BAD: variants seen among roughly 807,000 people sequenced by gnomAD.
BAD encodes bcl2-associated agonist of cell death.
A neutral mutation model predicts 17.8 loss-of-function variants in BAD; 18 were observed. That is an observed-to-expected ratio of 1.01 (90% CI 0.70 to 1.50). The LOEUF (loss-of-function observed/expected upper bound fraction) is 1.50. Among genes scored for constraint, BAD ranks in the 40% most tolerant of loss-of-function variants. The pLI is 0.00. For missense variants in BAD, 294 were observed against 239.3 expected (o/e 1.23, Z -1.51); for synonymous variants, 112 against 91.5 (o/e 1.22, Z -1.28).
intron 2 of BAD, among the ~76,000 whole-genome samples, chr11:64,275,402 C>T (rs942595462): frequency 6.6e-6 from 1 of 152,176 alleles, no homozygotes; most frequent in Non-Finnish European, 1.5e-5. Flanking sequence ...TGGCCACATT[C>T]CTGCTCTGAC....
intron 2 of BAD, among the ~76,000 whole-genome samples, chr11:64,276,146 C>A (rs979331318): frequency 1.3e-5 from 2 of 152,116 alleles, no homozygotes; most frequent in African/African-American, 4.8e-5. Flanking sequence ...CCAGTTCTGC[C>A]AGGAACCTGT....
intron 2 of BAD, among the ~76,000 whole-genome samples, chr11:64,272,190 G>A (rs958937619): frequency 6.6e-6 from 1 of 152,100 alleles, no homozygotes; most frequent in South Asian, 2.1e-4. Flanking sequence ...ATAGTGGCAC[G>A]TGCCTATAGT....
intron 2 of BAD, among the ~76,000 whole-genome samples, chr11:64,280,563 G>A (rs2033398934): frequency 6.6e-6 from 1 of 150,876 alleles, no homozygotes; most frequent in African/African-American, 2.4e-5. Flanking sequence ...GTGTTAGCCA[G>A]GATGGTCTTG....
At chr11:64,275,056 G>A (rs1432741783) in intron 2 of BAD, among the ~76,000 whole-genome samples, 2 of 149,348 alleles carry the variant, frequency 1.3e-5, no homozygotes, top group Non-Finnish European at 2.9e-5. Context: ...GAAAGGCCTA[G>A]GGTAAGATAG....
chr11:64,284,033 A>T, intron 2 of BAD, 149 bp downstream of exon 2: 2 of 889,266 alleles, frequency 2.2e-6, no homozygotes, highest in Non-Finnish European at 1.7e-6. Flanking sequence ...GGTGGTTATT[A>T]ATTGCTGTTT....
At chr11:64,278,507 C>G (rs1490813211) in intron 2 of BAD, among the ~76,000 whole-genome samples, 4 of 152,068 alleles carry the variant, frequency 2.6e-5, no homozygotes, top group African/African-American at 9.7e-5. Flanking sequence ...CCTATATTAA[C>G]TCATCAGGTC....
At chr11:64,280,513 G>A (rs1466979532) in intron 2 of BAD, among the ~76,000 whole-genome samples, 5 of 141,530 alleles carry the variant, frequency 3.5e-5, no homozygotes, top group East Asian at 2.3e-4. Flanking sequence ...CACCACGCCC[G>A]GCTAATTTTT....
intron 2 of BAD, chr11:64,276,904 C>T (rs1032169808): frequency 6.6e-6 from 5 of 760,706 alleles, no homozygotes; most frequent in African/African-American, 5.1e-5. Flanking sequence ...AGCATGGCAC[C>T]TCTAGCTTTA....
intron 2 of BAD, among the ~76,000 whole-genome samples, chr11:64,272,295 GGC>G (rs2032691395): frequency 6.6e-6 from 1 of 151,834 alleles, no homozygotes; most frequent in South Asian, 2.1e-4. Flanking sequence ...CTCCAGCCTG[GGC>G]GACAGGCTTT....
intron 3 of BAD, 122 bp from the exon 4 acceptor site, chr11:64,270,459 C>A: frequency 7.4e-7 from 1 of 1,344,222 alleles, no homozygotes; most frequent in East Asian, 2.4e-5. Flanking sequence ...GCCACAACTC[C>A]CAGGAGGCTC....
intron 2 of BAD, among the ~76,000 whole-genome samples, chr11:64,278,679 T>G (rs565165833): frequency 7.9e-4 from 121 of 152,278 alleles, no homozygotes; most frequent in Middle Eastern, 3.4e-3. Flanking sequence ...CTGGGCTGCT[T>G]CTTTCTGCCT....
At chr11:64,278,912 G>C (rs916315799) in intron 2 of BAD, among the ~76,000 whole-genome samples, 1 of 152,218 alleles carries the variant, frequency 6.6e-6, no homozygotes, top group South Asian at 2.1e-4. Flanking sequence ...TCTTTTCTGG[G>C]AAACCACTTG....
Position 64,271,608 on chromosome 11 carries a change from C to G in BAD, c.378+5G>C, listed in dbSNP as rs1304288256. On this transcript the variant is annotated splice_donor_5th_base_variant and intron_variant, in intron 3 of 3. Coordinates refer to ENST00000309032, the MANE Select transcript of BAD (RefSeq NM_032989.3). ...GGTCCTGGCACGCTGGGGACTGGCG[C>G]TCACCTTAAAGGAGTCCACAAACTC... 1 of 1,439,822 alleles carries G rather than the reference C, an allele frequency of 6.9e-7. No homozygotes were observed. 89.2% of individuals were successfully genotyped at this position (1,439,822 alleles called of 1,614,324 possible).
At chr11:64,280,553 G>A (rs1213140) in intron 2 of BAD, among the ~76,000 whole-genome samples, 124,277 of 149,218 alleles carry the variant, frequency 0.83, 55,781 homozygotes, top group Non-Finnish European at 0.99. Context: ...GGGTTTCACC[G>A]TGTTAGCCAG....
intron 2 of BAD, among the ~76,000 whole-genome samples, chr11:64,283,780 C>T (rs1422209632): frequency 6.6e-6 from 1 of 152,154 alleles, no homozygotes; most frequent in Non-Finnish European, 1.5e-5. Context: ...GTCCTAACCC[C>T]ACACTAATAG....
rs753719410 is a variant in BAD, at chr11:64,270,330, A to G, written c.386T>C (p.Leu129Pro). The G allele has an allele frequency of 1.3e-6, 2 of 1,557,198 alleles. No homozygotes were observed. Among genetic ancestry groups the G allele is most frequent in the Admixed American group, 1.9e-5 (1 of 53,460 alleles). Residue 129 changes from leucine to proline, a missense_variant, in exon 4 of 4, where the codon CTT (leucine) becomes CCT (proline). Transcript: ENST00000309032. ...TGTGCCCGCGCTCTTCGGGCGAGGA[A>G]GTCCCTTCTGGTGGAGGGAGAAAAG... ...DEFVDSFKKG[L>P]PRPKSAGTAT...
intron 2 of BAD, among the ~76,000 whole-genome samples, chr11:64,283,763 G>A (rs891334488): frequency 1.3e-5 from 2 of 152,100 alleles, no homozygotes; most frequent in Non-Finnish European, 2.9e-5. Context: ...GCCTGTCACT[G>A]ATTTCTGTCC....
intron 2 of BAD, 55 bp downstream of exon 2, chr11:64,284,127 A>G: frequency 6.6e-7 from 1 of 1,511,506 alleles, no homozygotes; most frequent in South Asian, 1.3e-5. Flanking sequence ...GGATGCAGGG[A>G]GCCAGTGGGC....
chr11:64,276,585 C>T (rs934219191), intron 2 of BAD, among the ~76,000 whole-genome samples: 1 of 152,216 alleles, frequency 6.6e-6, no homozygotes, highest in Non-Finnish European at 1.5e-5. Context: ...CCTCGGCCCC[C>T]CAAAGTGCTG....
Sources: gnomAD v4.1 joint callset for allele counts (sites outside exome capture counted in the v4.1 genomes callset) on GRCh38, gnomAD v4.1.1 for gene constraint, MANE v1.5 for transcripts, NCBI Gene and HGNC (gene_info 2026-07-23, HGNC 2026-07-21) for gene names.